Variants in PREPL observed in about 807,000 individuals in gnomAD.
PREPL encodes the protein prolyl endopeptidase-like.
In PREPL, 77 loss-of-function variants were observed where a neutral mutation model predicts 70.6. The observed-to-expected ratio is 1.09, with a 90% CI of 0.91 to 1.32. PREPL has a LOEUF of 1.32. PREPL is among the 40% of genes most tolerant of loss of function. The pLI is 0.00. For missense variants in PREPL, 1,002 were observed against 778.2 expected, an observed-to-expected ratio of 1.29 and a Z score of -3.42; for synonymous variants, 315 against 264.8, an observed-to-expected ratio of 1.19 and a Z score of -1.84.
At chr2:44,346,464 G>C (rs1675836966) in intron 1 of PREPL, 74 bp from the exon 2 acceptor site, 1 of 1,348,156 alleles carries the variant, frequency 7.4e-7, no homozygotes, top group Non-Finnish European at 1.0e-6. Flanking sequence ...AAGATAAGTA[G>C]GTCTATACCG....
At chr2:44,358,165 T>A (rs1422268794) in intron 1 of PREPL, among the ~76,000 whole-genome samples, 3 of 152,126 alleles carry the variant, frequency 2.0e-5, no homozygotes, top group Admixed American at 6.5e-5. Flanking sequence ...GTCCATCAAT[T>A]ACAGGAATGG....
intron 13 of PREPL, 36 bp from the exon 14 acceptor site, chr2:44,321,481 C>A (rs545142172): frequency 3.1e-6 from 5 of 1,594,170 alleles, no homozygotes; most frequent in African/African-American, 1.3e-5. Context: ...AAATAGAAGG[C>A]CTTTGTAGTA....
chr2:44,320,878 C>T lies in PREPL; in HGVS notation c.*478G>A. On this transcript the variant is annotated 3_prime_UTR_variant, in exon 14 of 14. Coordinates refer to ENST00000409411, the MANE Select transcript of PREPL (RefSeq NM_001171613.2). ...TTCAGATAGCATCAATCAGGGATGA[C>T]CAGAACACATTAGGACCCCAGATTA... 1.9e-6 allele frequency: 1 copy of T among 537,588 alleles called. No individual in the cohort carries two copies. Among genetic ancestry groups the T allele is most frequent in the Non-Finnish European group, 3.3e-6 (1 of 300,498 alleles). The allele number at this position is 537,588 out of a possible 1,614,324, so 33.3% of individuals were successfully genotyped here.
chr2:44,326,952 T>A (rs1205052158), intron 9 of PREPL, 24 bp from the exon 10 acceptor site: 1 of 1,604,488 alleles, frequency 6.2e-7, no homozygotes. Flanking sequence ...GCAAAAAAGT[T>A]TTAGTGGAAA....
intron 8 of PREPL, among the ~76,000 whole-genome samples, chr2:44,330,348 T>TCTCCC (rs1673967855): frequency 1.3e-5 from 2 of 152,298 alleles, no homozygotes; most frequent in South Asian, 4.1e-4. Context: ...CTGCTTCCCT[T>TCTCCC]CTCCCCTCTT....
intron 5 of PREPL, among the ~76,000 whole-genome samples, chr2:44,339,976 T>C (rs1041861489): frequency 1.3e-5 from 2 of 152,172 alleles, no homozygotes; most frequent in East Asian, 1.9e-4. Flanking sequence ...ATAGCTATTT[T>C]ACTTTTTAAA....
intron 8 of PREPL, among the ~76,000 whole-genome samples, chr2:44,331,969 CGG>C (rs1558494756): frequency 8.2e-6 from 1 of 122,234 alleles, no homozygotes; most frequent in African/African-American, 3.2e-5. Context: ...TTTTTTGAGA[CGG>C]AGTCTTGCTC....
chr2:44,349,691 G>A (rs77765055), intron 1 of PREPL, among the ~76,000 whole-genome samples: 3,018 of 152,202 alleles, frequency 0.02, 114 homozygotes, highest in African/African-American at 0.069. Flanking sequence ...GAGGCCGGGC[G>A]CGGTGGCTCA....
chr2:44,326,282 C>T (rs1673476684), intron 10 of PREPL, among the ~76,000 whole-genome samples: 2 of 151,956 alleles, frequency 1.3e-5, no homozygotes, highest in South Asian at 4.1e-4. Flanking sequence ...ATTAAAATAA[C>T]TTTAGAAGTT....
In PREPL at chr2:44,326,774, C is replaced by G; in HGVS notation, c.1417G>C (p.Gly473Arg). 6.2e-7 allele frequency: 1 copy of G among 1,614,210 alleles called. No individual in the cohort carries two copies. The highest frequency in any genetic ancestry group is 1.1e-5 in the South Asian group (1 of 91,082). Reference sequence around the variant, plus strand: ...TTACACAATGCTCCTGCAAGCACCCCTCCAGCACTGAAAGCAGTCAGGGTT... The same window carrying G: ...TTACACAATGCTCCTGCAAGCACCCGTCCAGCACTGAAAGCAGTCAGGGTT... ...LTTLTAFSAG[G>R]VLAGALCNSN... The change falls in exon 10 of 14, where the codon GGG (glycine) becomes CGG (arginine). Residue 473 changes from glycine to arginine, a missense_variant. Transcript: ENST00000409411.
In PREPL at chr2:44,344,596, G is replaced by A. The variant is rs1470050624; in HGVS notation, c.76-10C>T. ...AACCACCATGTTTAACCTGACAAAA[G>A]AAACATGCAGTTTACTTAATAATAA... On this transcript the variant is annotated splice_polypyrimidine_tract_variant and intron_variant, in intron 2 of 13. Transcript: ENST00000409411. The A allele has an allele frequency of 6.3e-7, 1 of 1,577,888 alleles. No individual in the cohort carries two copies. The highest frequency in any genetic ancestry group is 8.6e-7 in the Non-Finnish European group (1 of 1,159,618).
At position 44,323,386 on chromosome 2, in the gene PREPL, G is replaced by C; in HGVS notation, c.1505C>G (p.Thr502Ser). Reference protein sequence around the residue: ...LEAPFLDVLNTMMDTTLPLTL... With the variant: ...LEAPFLDVLNSMMDTTLPLTL... ...CAGAGGAAGTGTAGTGTCCATCATGGTGTTGAGAACATCCAAGAAAGGTGC... is the reference window on the plus strand; with the variant it reads ...CAGAGGAAGTGTAGTGTCCATCATGCTGTTGAGAACATCCAAGAAAGGTGC... The change falls in exon 11 of 14, where the codon ACC becomes AGC. Residue 502 changes from threonine to serine, a missense_variant. By Grantham distance (58) the Thr-to-Ser change is moderately conservative. Coordinates refer to ENST00000409411, the MANE Select transcript of PREPL (RefSeq NM_001171613.2). The C allele has an allele frequency of 6.2e-7, 1 of 1,600,580 alleles. No homozygotes were observed. Among genetic ancestry groups the C allele is most frequent in the Non-Finnish European group, 8.5e-7 (1 of 1,173,064 alleles).
At chr2:44,350,915 C>T (rs1184698010) in intron 1 of PREPL, among the ~76,000 whole-genome samples, 1 of 151,986 alleles carries the variant, frequency 6.6e-6, no homozygotes, top group Non-Finnish European at 1.5e-5. Context: ...TCTTACTTCA[C>T]TGGCCCTTCC....
intron 1 of PREPL, among the ~76,000 whole-genome samples, chr2:44,353,744 CCAAGACAATT>C (rs536994560): frequency 1.3e-5 from 2 of 152,006 alleles, no homozygotes; most frequent in Non-Finnish European, 2.9e-5. Context: ...AGAAAGGACA[CCAAGACAATT>C]CAATGGAAAA....
rs910359649 is a variant in PREPL at position 44,326,914 on chromosome 2, A to C, written c.1277T>G (p.Leu426Ter). ...AYCHVRGGGE[L>*]GLQWHADGRL... ...GCCATCAGCGTGCCACTGGAGGCCT[A>C]ACTCACCACCACCTCTGAAATTGAA... Residue 426 changes from leucine to a stop codon, truncating the protein, a stop_gained, in exon 10 of 14, where the codon TTA becomes TGA. Coordinates refer to ENST00000409411, the MANE Select transcript of PREPL (RefSeq NM_001171613.2). LOFTEE classifies it high-confidence loss of function. The C allele has an allele frequency of 3.1e-6, 5 of 1,614,078 alleles. No individual in the cohort carries two copies. The highest frequency in any genetic ancestry group is 3.4e-6 in the Non-Finnish European group (4 of 1,179,994).
chr2:44,336,620 A>G (rs543499405), intron 7 of PREPL, among the ~76,000 whole-genome samples: 17 of 152,118 alleles, frequency 1.1e-4, no homozygotes, highest in African/African-American at 4.1e-4. Context: ...CGTATATCAA[A>G]CCCCTGTGGC....
intron 1 of PREPL, among the ~76,000 whole-genome samples, chr2:44,352,616 C>T (rs1361803428): frequency 6.6e-6 from 1 of 152,108 alleles, no homozygotes; most frequent in Admixed American, 6.5e-5. Context: ...TGGTAAGCTT[C>T]ACAAAGGCAG....
At chr2:44,349,374 G>A (rs544572945) in intron 1 of PREPL, among the ~76,000 whole-genome samples, 1 of 152,182 alleles carries the variant, frequency 6.6e-6, no homozygotes, top group East Asian at 1.9e-4. Context: ...GAATACAAGT[G>A]TCAACTGAAG....
Position 44,338,331 on chromosome 2 carries a change from C to T in PREPL, c.888+20G>A, listed in dbSNP as rs1185297222. On this transcript the variant is annotated intron_variant, in intron 7 of 13. Transcript: ENST00000409411. ...TAAATATTTTGATTAACAGTATTAA[C>T]TTCTGAAAATTAAACATACCTTTAG... is the stretch of plus-strand genomic sequence containing the variant. 16 of 1,591,044 alleles carry T rather than the reference C, an allele frequency of 1.0e-5. No homozygotes were observed. The highest frequency in any genetic ancestry group is 1.4e-5 in the Non-Finnish European group (16 of 1,168,762).
Sources: gnomAD v4.1 joint callset for allele counts (sites outside exome capture counted in the v4.1 genomes callset) on GRCh38, gnomAD v4.1.1 for gene constraint, MANE v1.5 for transcripts, NCBI Gene and HGNC (gene_info 2026-07-23, HGNC 2026-07-21) for gene names.